Variants in CRYZL1 observed in about 807,000 individuals in gnomAD.
The protein encoded by CRYZL1 is ferry endosomal RAB5 effector complex subunit 4.
CRYZL1 carries 34 observed loss-of-function variants against 50.6 expected under a neutral mutation model. That is an observed-to-expected ratio of 0.67 (90% CI 0.51 to 0.89). CRYZL1 has a LOEUF of 0.89. Ranked by LOEUF, CRYZL1 falls within the 40% of genes least tolerant of loss-of-function variation. The pLI, the probability that CRYZL1 is intolerant of heterozygous loss-of-function variation, is 0.00. For synonymous variants in CRYZL1, 125 were observed against 134.3 expected (o/e 0.93, Z 0.48); for missense variants, 354 against 402.3 (o/e 0.88, Z 1.03).
intron 6 of CRYZL1, among the ~76,000 whole-genome samples, chr21:33,611,419 T>C (rs1244818781): frequency 6.6e-6 from 1 of 152,156 alleles, no homozygotes; most frequent in African/African-American, 2.4e-5. Context: ...TTGGAAATTT[T>C]AGATATAATG....
chr21:33,590,217 A>G (rs1427770765), intron 12 of CRYZL1, among the ~76,000 whole-genome samples: 1 of 152,086 alleles, frequency 6.6e-6, no homozygotes, highest in African/African-American at 2.4e-5. Flanking sequence ...GGGTTTCACC[A>G]TGTTGGCCAG....
At chr21:33,603,669 C>T in intron 6 of CRYZL1, 132 bp from the exon 7 acceptor site, 5 of 871,168 alleles carry the variant, frequency 5.7e-6, no homozygotes, top group Non-Finnish European at 8.6e-6. Context: ...CTCTCACCTA[C>T]AATACTTTCC....
chr21:33,637,064 G>A (rs1399418929), intron 1 of CRYZL1, among the ~76,000 whole-genome samples: 1 of 152,134 alleles, frequency 6.6e-6, no homozygotes. Context: ...AGTGTTTTGA[G>A]CATCAGACCA....
At chr21:33,623,193 T>C (rs1376075560) in intron 3 of CRYZL1, among the ~76,000 whole-genome samples, 6 of 152,106 alleles carry the variant, frequency 3.9e-5, no homozygotes, top group Non-Finnish European at 8.8e-5. Context: ...CTTGATCTCT[T>C]GACTTCATGA....
At chr21:33,602,586 G>C (rs1014952072) in intron 7 of CRYZL1, among the ~76,000 whole-genome samples, 1 of 152,182 alleles carries the variant, frequency 6.6e-6, no homozygotes, top group Admixed American at 6.5e-5. Context: ...CACTCAGTCT[G>C]ACCACAGCAC....
intron 6 of CRYZL1, among the ~76,000 whole-genome samples, chr21:33,604,019 GA>G (rs1160946902): frequency 6.6e-6 from 1 of 151,638 alleles, no homozygotes; most frequent in Non-Finnish European, 1.5e-5. Flanking sequence ...TTGGGAGGCC[GA>G]GGCAGGCAGA....
chr21:33,611,100 A>G (rs1027522374), intron 6 of CRYZL1, among the ~76,000 whole-genome samples: 7 of 152,162 alleles, frequency 4.6e-5, no homozygotes, highest in Admixed American at 2.0e-4. Flanking sequence ...AAAAGACTCC[A>G]TATTCACAAC....
At chr21:33,613,677 T>A in intron 5 of CRYZL1, 71 bp from the exon 6 acceptor site, 1 of 1,102,394 alleles carries the variant, frequency 9.1e-7, no homozygotes, top group Non-Finnish European at 1.4e-6. Flanking sequence ...CCAGTATTAT[T>A]ACAAATTTTG....
intron 10 of CRYZL1, among the ~76,000 whole-genome samples, 179 bp downstream of exon 10, chr21:33,597,101 C>T (rs1289194163): frequency 6.6e-6 from 1 of 151,760 alleles, no homozygotes; most frequent in Non-Finnish European, 1.5e-5. Context: ...AACTCCTGGC[C>T]TCAAGTGATC....
At chr21:33,620,657 C>A (rs1224278131) in intron 4 of CRYZL1, among the ~76,000 whole-genome samples, 1 of 151,612 alleles carries the variant, frequency 6.6e-6, no homozygotes, top group Non-Finnish European at 1.5e-5. Flanking sequence ...CCAAAAAATA[C>A]AAAAATTTGC....
At chr21:33,611,374 T>G (rs2145934912) in intron 6 of CRYZL1, among the ~76,000 whole-genome samples, 1 of 152,308 alleles carries the variant, frequency 6.6e-6, no homozygotes. Context: ...AAGTGTCTTT[T>G]GGAAATTAAT....
In CRYZL1 at chr21:33,602,300, T is replaced by C. The variant is rs1274849487; in HGVS notation, c.511A>G (p.Lys171Glu). Reference protein sequence around the residue: ...AIQLAHHRGAKVISTACSLED... With the variant: ...AIQLAHHRGAEVISTACSLED... The stretch of plus-strand genomic sequence containing the variant: ...AGGCTGCATGCTGTTGAAATCACTT[T>C]GGCTCCTCTATGATGTGCTAACTGA... The change falls in exon 8 of 13, where the codon AAA becomes GAA. Residue 171 changes from lysine to glutamate, a missense_variant. Lys to Glu is a moderately conservative substitution (Grantham distance 56). Transcript: ENST00000381554. The C allele has an allele frequency of 3.1e-6, 5 of 1,612,954 alleles. No homozygotes were observed. Among genetic ancestry groups the C allele is most frequent in the Non-Finnish European group, 4.2e-6 (5 of 1,178,988 alleles).
chr21:33,628,159 T>C (rs2087091694), intron 2 of CRYZL1, among the ~76,000 whole-genome samples: 1 of 152,238 alleles, frequency 6.6e-6, no homozygotes, highest in Non-Finnish European at 1.5e-5. Context: ...TGTTCTGTCT[T>C]CCTAATACCT....
At chr21:33,591,546 T>A (rs1156613554) in intron 11 of CRYZL1, 1 of 318,748 alleles carries the variant, frequency 3.1e-6, no homozygotes, top group Non-Finnish European at 5.8e-6. Flanking sequence ...CATATGGCAT[T>A]TTTAGTTAAA....
At chr21:33,614,432 T>C (rs1004026481) in intron 5 of CRYZL1, among the ~76,000 whole-genome samples, 1 of 152,002 alleles carries the variant, frequency 6.6e-6, no homozygotes, top group Non-Finnish European at 1.5e-5. Context: ...AGGGCTGCAA[T>C]GAGCCATGAT....
intron 11 of CRYZL1, among the ~76,000 whole-genome samples, chr21:33,593,582 T>G (rs1349100716): frequency 6.6e-6 from 1 of 152,220 alleles, no homozygotes; most frequent in Non-Finnish European, 1.5e-5. Context: ...GGTCCAAGGA[T>G]TTGTCAAATA....
chr21:33,604,050 AG>A (rs2086784248), intron 6 of CRYZL1, among the ~76,000 whole-genome samples: 6 of 151,402 alleles, frequency 4.0e-5, no homozygotes, highest in Admixed American at 3.3e-4. Context: ...CAGGAGATCG[AG>A]ACCATCCTGA....
intron 8 of CRYZL1, among the ~76,000 whole-genome samples, chr21:33,599,565 T>G (rs1459392766): frequency 1.3e-5 from 2 of 152,116 alleles, no homozygotes; most frequent in Non-Finnish European, 2.9e-5. Flanking sequence ...TAGGATATGT[T>G]GCCAGAATTA....
chr21:33,597,145 T>C lies in CRYZL1; in HGVS notation c.798+135A>G, dbSNP rs1200086008. On this transcript the variant is annotated intron_variant, in intron 10 of 12. Coordinates refer to ENST00000381554, the MANE Select transcript of CRYZL1 (RefSeq NM_145858.3). The stretch of plus-strand genomic sequence containing the variant: ...GCGGCCTCCCATAGTGCTGGACTCA[T>C]AGGTGTGAGCCACCATGCCTGGCCC... 6.1e-6 allele frequency: 5 copies of C among 820,270 alleles called. No homozygotes were observed. The highest frequency in any genetic ancestry group is 1.7e-5 in the African/African-American group (1 of 58,382). 50.8% of individuals were successfully genotyped at this position (820,270 alleles called of 1,614,324 possible). A position where few individuals can be genotyped will look rare whatever the true frequency, so the allele number is the denominator to read the frequency against.
Sources: gnomAD v4.1 joint callset for allele counts (sites outside exome capture counted in the v4.1 genomes callset) on GRCh38, gnomAD v4.1.1 for gene constraint, MANE v1.5 for transcripts, NCBI Gene and HGNC (gene_info 2026-07-23, HGNC 2026-07-21) for gene names.